RANBP2: variants seen among roughly 807,000 people sequenced by gnomAD.
RANBP2 encodes the protein RAN binding protein 2, also known as E3 SUMO-protein ligase RanBP2.
In RANBP2, 57 loss-of-function variants were observed where a neutral mutation model predicts 303.6. The ratio of observed to expected loss-of-function variants is 0.19; its 90% CI spans 0.15 to 0.23. The LOEUF (loss-of-function observed/expected upper bound fraction) is 0.23. RANBP2 is among the 10% of genes least tolerant of loss of function. The pLI is 1.00. For synonymous variants in RANBP2, 1,167 were observed against 1,301.5 expected (o/e 0.90, Z 2.23); for missense variants, 3,138 against 3,780.8 (o/e 0.83, Z 4.46).
chr2:109,170,123 G>A, the RANBP2 span, among the ~76,000 whole-genome samples: 10 of 152,154 alleles, frequency 6.6e-5, no homozygotes, highest in African/African-American at 1.7e-4. Context: ...CTATGAAGGT[G>A]TTTTAGAGGA....
the RANBP2 span, among the ~76,000 whole-genome samples, chr2:109,339,686 C>T: frequency 1.3e-5 from 2 of 152,162 alleles, no homozygotes. Flanking sequence ...TGGGGACTTG[C>T]TCAAGTACTC....
the RANBP2 span, among the ~76,000 whole-genome samples, chr2:109,101,640 G>C: frequency 6.6e-6 from 1 of 152,190 alleles, no homozygotes; most frequent in Non-Finnish European, 1.5e-5. Flanking sequence ...ATGTTACAAA[G>C]ATAAAGATCC....
intron 12 of RANBP2, among the ~76,000 whole-genome samples, chr2:108,752,459 A>G (rs1373412613): frequency 6.6e-6 from 1 of 151,948 alleles, no homozygotes; most frequent in African/African-American, 2.4e-5. Context: ...TTAGGATGGT[A>G]TCATTAGAAG....
At chr2:109,426,121 C>T in the RANBP2 span, among the ~76,000 whole-genome samples, 1 of 152,150 alleles carries the variant, frequency 6.6e-6, no homozygotes, top group Non-Finnish European at 1.5e-5. Context: ...GTTGGCCAGG[C>T]TGGTGTCTAA....
the RANBP2 span, among the ~76,000 whole-genome samples, chr2:108,961,291 G>C: frequency 4.0e-5 from 6 of 151,850 alleles, no homozygotes; most frequent in Admixed American, 1.3e-4. Context: ...ATAATTAAGA[G>C]GGGGAGACAC....
At chr2:109,560,052 C>T in the RANBP2 span, among the ~76,000 whole-genome samples, 1 of 151,806 alleles carries the variant, frequency 6.6e-6, no homozygotes, top group African/African-American at 2.4e-5. Context: ...TCCCAAGTAG[C>T]CGGGACTACA....
At chr2:109,137,924 A>T in the RANBP2 span, among the ~76,000 whole-genome samples, 4 of 152,240 alleles carry the variant, frequency 2.6e-5, no homozygotes, top group African/African-American at 9.6e-5. Flanking sequence ...GGGCCAGCTA[A>T]ATCTCAGGCC....
the RANBP2 span, among the ~76,000 whole-genome samples, chr2:109,346,856 G>A: frequency 2.0e-5 from 3 of 152,214 alleles, no homozygotes; most frequent in Admixed American, 6.5e-5. Context: ...ACAGTCTTAT[G>A]CCCTTGAACA....
the RANBP2 span, among the ~76,000 whole-genome samples, chr2:108,890,485 T>C: frequency 6.6e-6 from 1 of 152,178 alleles, no homozygotes; most frequent in African/African-American, 2.4e-5. Flanking sequence ...GTACGAGTGA[T>C]CTACCCATCT....
At chr2:109,230,176 A>G in the RANBP2 span, among the ~76,000 whole-genome samples, 2 of 151,772 alleles carry the variant, frequency 1.3e-5, no homozygotes, top group African/African-American at 4.8e-5. Flanking sequence ...TGGATATACT[A>G]TATATTGTTT....
chr2:108,943,650 G>A, the RANBP2 span, among the ~76,000 whole-genome samples: 1 of 152,290 alleles, frequency 6.6e-6, no homozygotes, highest in South Asian at 2.1e-4. Context: ...AAGACTCCGC[G>A]TATTTTCCGT....
chr2:109,284,191 A>G, the RANBP2 span, among the ~76,000 whole-genome samples: 2 of 152,296 alleles, frequency 1.3e-5, no homozygotes, highest in South Asian at 4.1e-4. Context: ...TGGGGCCTGC[A>G]GTTTTCTCAA....
chr2:109,178,692 A>G, the RANBP2 span, among the ~76,000 whole-genome samples: 1 of 152,172 alleles, frequency 6.6e-6, no homozygotes, highest in African/African-American at 2.4e-5. Flanking sequence ...ACTTTGTCAA[A>G]GTTCTTGTGT....
chr2:109,017,880 C>T, the RANBP2 span, among the ~76,000 whole-genome samples: 4 of 152,106 alleles, frequency 2.6e-5, no homozygotes, highest in African/African-American at 9.7e-5. Flanking sequence ...AGGCTGAGCA[C>T]GGCAATCCTC....
chr2:109,681,948 G>T, the RANBP2 span, among the ~76,000 whole-genome samples: 2 of 152,232 alleles, frequency 1.3e-5, no homozygotes, highest in Non-Finnish European at 2.9e-5. Flanking sequence ...CTGTGTGATG[G>T]CATCACTGAG....
At chr2:108,811,381 A>T in the RANBP2 span, among the ~76,000 whole-genome samples, 1 of 150,732 alleles carries the variant, frequency 6.6e-6, no homozygotes. Context: ...AGTAGCTGGG[A>T]CTGCAGGCAT....
At chr2:109,704,035 G>T in the RANBP2 span, among the ~76,000 whole-genome samples, 1 of 152,200 alleles carries the variant, frequency 6.6e-6, no homozygotes, top group East Asian at 1.9e-4. Flanking sequence ...TAGGCTGAGG[G>T]TGGTGGGTCA....
At chr2:109,062,308 G>A in the RANBP2 span, among the ~76,000 whole-genome samples, 1 of 152,196 alleles carries the variant, frequency 6.6e-6, no homozygotes, top group African/African-American at 2.4e-5. Flanking sequence ...GCAGTCATTT[G>A]TAATAGTTGA....
the RANBP2 span, among the ~76,000 whole-genome samples, chr2:109,693,200 G>A: frequency 1.7e-4 from 25 of 151,354 alleles, no homozygotes; most frequent in Admixed American, 1.6e-3. Flanking sequence ...TTTTTTGAGA[G>A]GGAATCTCAC....
Sources: allele counts gnomAD v4.1 joint callset (sites outside exome capture counted in the v4.1 genomes callset), GRCh38; gene constraint gnomAD v4.1.1; transcripts MANE v1.5; gene names NCBI Gene and HGNC (gene_info 2026-07-23, HGNC 2026-07-21).